The following EIF2AK3 variants were observed in gnomAD, a reference collection of about 807,000 sequenced individuals.
The protein encoded by EIF2AK3 is eukaryotic translation initiation factor 2 alpha kinase 3.
Under a neutral mutation model 113.5 loss-of-function variants are expected in EIF2AK3, and 50 were observed. The observed-to-expected ratio is 0.44, with a 90% CI of 0.35 to 0.56. The LOEUF is 0.56. Among genes scored for constraint, EIF2AK3 ranks in the 20% least tolerant of loss-of-function variants. The pLI is 0.00. For synonymous variants in EIF2AK3, 448 were observed against 495.4 expected (o/e 0.90, Z 1.27); for missense variants, 1,185 against 1,378.0 (o/e 0.86, Z 2.22).
At chr2:88,620,334 A>G (rs1216265744) in intron 1 of EIF2AK3, among the ~76,000 whole-genome samples, 1 of 152,088 alleles carries the variant, frequency 6.6e-6, no homozygotes, top group Non-Finnish European at 1.5e-5. Context: ...TCTCTTGTCT[A>G]TATTTTCCTC....
At chr2:88,602,964 A>C (rs1249803403) in intron 2 of EIF2AK3, among the ~76,000 whole-genome samples, 1 of 152,184 alleles carries the variant, frequency 6.6e-6, no homozygotes, top group Non-Finnish European at 1.5e-5. Context: ...TAAAGTAAAA[A>C]AAAAAGAAAA....
intron 1 of EIF2AK3, among the ~76,000 whole-genome samples, chr2:88,622,503 T>C (rs1320822202): frequency 1.3e-5 from 2 of 152,216 alleles, no homozygotes; most frequent in South Asian, 2.1e-4. Context: ...TGAGATCAGA[T>C]AAAAAGCAAT....
chr2:88,570,302 C>T (rs1204722406), intron 14 of EIF2AK3, among the ~76,000 whole-genome samples: 1 of 152,204 alleles, frequency 6.6e-6, no homozygotes, highest in African/African-American at 2.4e-5. Flanking sequence ...TTGTGAAGAT[C>T]ATTTGCCTGG....
chr2:88,562,259 AC>A, intron 15 of EIF2AK3, 29 bp downstream of exon 15: 14 of 1,565,594 alleles, frequency 8.9e-6, no homozygotes, highest in Non-Finnish European at 1.1e-5. Context: ...TCTGTTTGAA[AC>A]TTTTTTTTTG....
In EIF2AK3 at chr2:88,608,700, CTTTTTTTT is replaced by C. The variant is rs1176748814; in HGVS notation, c.438+5016_438+5023del. On this transcript the variant is annotated intron_variant, in intron 2 of 16. Transcript: ENST00000303236. ...CATTTCAAATGGCAGTTTTTGATTT[CTTTTTTTT>C]TTTTTTTTTTTTTTTTTTGAGACAG... Among the ~76,000 whole-genome samples, 19 of 62,022 alleles carry C rather than the reference CTTTTTTTT, an allele frequency of 3.1e-4. 1 individual carries two copies. Among genetic ancestry groups the C allele is most frequent in the Admixed American group, 5.0e-4 (2 of 4,010 alleles). 40.7% of individuals were successfully genotyped at this position (62,022 alleles called of 152,430 possible). A position where few individuals can be genotyped will look rare whatever the true frequency, so the allele number is the denominator to read the frequency against.
chr2:88,595,916 C>T, intron 2 of EIF2AK3: 1 of 527,870 alleles, frequency 1.9e-6, no homozygotes, highest in Non-Finnish European at 3.4e-6. Context: ...AGATTTTTCT[C>T]AAACTCAGTT....
chr2:88,590,221 G>A (rs1394646332), intron 6 of EIF2AK3, among the ~76,000 whole-genome samples: 3 of 152,158 alleles, frequency 2.0e-5, no homozygotes, highest in Admixed American at 6.5e-5. Context: ...GGCGACAAGA[G>A]TGAAACTCCA....
chr2:88,568,655 T>G (rs1301487148), intron 14 of EIF2AK3, among the ~76,000 whole-genome samples: 1 of 152,086 alleles, frequency 6.6e-6, no homozygotes, highest in Non-Finnish European at 1.5e-5. Flanking sequence ...GTGTATGTAT[T>G]AAAACGACAG....
chr2:88,570,083 A>G (rs1341046983), intron 14 of EIF2AK3, among the ~76,000 whole-genome samples: 1 of 151,774 alleles, frequency 6.6e-6, no homozygotes, highest in Non-Finnish European at 1.5e-5. Context: ...CTTATTTTTC[A>G]TAAAAATATC....
intron 1 of EIF2AK3, among the ~76,000 whole-genome samples, chr2:88,621,157 T>C (rs1466210292): frequency 6.6e-6 from 1 of 152,232 alleles, no homozygotes; most frequent in Non-Finnish European, 1.5e-5. Context: ...AGAAATCTCA[T>C]AGATGTCGTT....
intron 2 of EIF2AK3, among the ~76,000 whole-genome samples, chr2:88,597,045 TAAC>T (rs909573164): frequency 6.6e-6 from 1 of 152,226 alleles, no homozygotes; most frequent in African/African-American, 2.4e-5. Flanking sequence ...AAGTAAGAGT[TAAC>T]AAAATTTTTC....
rs771788298 is a variant in EIF2AK3, at chr2:88,586,099, A to G, written c.1430-38T>C. On this transcript the variant is annotated intron_variant, in intron 8 of 16. Coordinates refer to ENST00000303236, the MANE Select transcript of EIF2AK3 (RefSeq NM_004836.7). The stretch of plus-strand genomic sequence containing the variant: ...ACATTAAAACGTTTTTTTTAAAGGT[A>G]ATCAAAAATAGGCCCGTCTTTAACT... The G allele has an allele frequency of 2.6e-6, 4 of 1,533,710 alleles. No individual in the cohort carries two copies. In the Admixed American group the frequency reaches 6.7e-5, roughly 26 times the overall value.
At chr2:88,593,162 G>T in intron 4 of EIF2AK3, 110 bp downstream of exon 4, 2 of 1,287,952 alleles carry the variant, frequency 1.6e-6, no homozygotes, top group Non-Finnish European at 2.2e-6. Context: ...ATATATATAT[G>T]CTTTTAAGGC....
At chr2:88,604,960 TTACTA>T (rs1184761782) in intron 2 of EIF2AK3, among the ~76,000 whole-genome samples, 1 of 152,186 alleles carries the variant, frequency 6.6e-6, no homozygotes, top group Non-Finnish European at 1.5e-5. Context: ...AGTCTCACCT[TTACTA>T]TATCAGATAA....
chr2:88,566,976 A>G (rs1350699219), intron 14 of EIF2AK3, among the ~76,000 whole-genome samples: 1 of 152,192 alleles, frequency 6.6e-6, no homozygotes, highest in Non-Finnish European at 1.5e-5. Context: ...CCAGCAAAAC[A>G]GAAGCAAAAG....
chr2:88,607,047 ATTAG>A (rs1386285743), intron 2 of EIF2AK3, among the ~76,000 whole-genome samples: 1 of 152,246 alleles, frequency 6.6e-6, no homozygotes, highest in African/African-American at 2.4e-5. Context: ...CTAAGTACAA[ATTAG>A]TTATATATAC....
At chr2:88,624,647 C>T (rs534504155) in intron 1 of EIF2AK3, 1 of 152,406 alleles carries the variant, frequency 6.6e-6, no homozygotes, top group East Asian at 1.9e-4. Flanking sequence ...ATTTATGCTG[C>T]CTTCTCACTG....
At chr2:88,614,430 C>T (rs1675524825) in intron 1 of EIF2AK3, among the ~76,000 whole-genome samples, 1 of 152,084 alleles carries the variant, frequency 6.6e-6, no homozygotes, top group Non-Finnish European at 1.5e-5. Flanking sequence ...GGTAACTAGC[C>T]CCATCCTGGA....
At chr2:88,591,201 A>C in intron 4 of EIF2AK3, 149 bp from the exon 5 acceptor site, 1 of 756,576 alleles carries the variant, frequency 1.3e-6, no homozygotes, top group Non-Finnish European at 2.2e-6. Flanking sequence ...TGCTCTACTG[A>C]TTTATGCCAC....
Sources: gnomAD v4.1 joint callset for allele counts (sites outside exome capture counted in the v4.1 genomes callset) on GRCh38, gnomAD v4.1.1 for gene constraint, MANE v1.5 for transcripts, NCBI Gene and HGNC (gene_info 2026-07-23, HGNC 2026-07-21) for gene names.